MLPH: variants seen among roughly 807,000 people sequenced by gnomAD.
MLPH encodes melanophilin, also known as exophilin-3.
Under a neutral mutation model 72.1 loss-of-function variants are expected in MLPH, and 51 were observed. That is an observed-to-expected ratio of 0.71 (90% CI 0.56 to 0.89). MLPH has a LOEUF of 0.89. Ranked by LOEUF, MLPH falls within the 40% of genes least tolerant of loss-of-function variation. The pLI, the probability that MLPH is intolerant of heterozygous loss-of-function variation, is 0.00. For missense variants in MLPH, 743 were observed against 759.9 expected, an observed-to-expected ratio of 0.98 and a Z score of 0.26; for synonymous variants, 301 against 310.1, an observed-to-expected ratio of 0.97 and a Z score of 0.31.
chr2:237,503,497 T>C (rs1224237768), intron 2 of MLPH, among the ~76,000 whole-genome samples: 2 of 152,164 alleles, frequency 1.3e-5, no homozygotes, highest in African/African-American at 4.8e-5. Context: ...TCCCCGGTGC[T>C]GCTCCTCAGC....
intron 14 of MLPH, among the ~76,000 whole-genome samples, chr2:237,551,581 G>A (rs531427363): frequency 2.0e-5 from 3 of 152,344 alleles, no homozygotes; most frequent in Admixed American, 2.0e-4. Flanking sequence ...CAACTAGGAT[G>A]TGAGGCCAGA....
At chr2:237,529,304 A>G (rs2106348381) in intron 8 of MLPH, among the ~76,000 whole-genome samples, 1 of 152,284 alleles carries the variant, frequency 6.6e-6, no homozygotes, top group Middle Eastern at 3.4e-3. Context: ...CGGCCTCCCA[A>G]AGTGTTGGGA....
intron 12 of MLPH, chr2:237,545,777 A>C (rs1425928754): frequency 1.8e-6 from 1 of 570,956 alleles, no homozygotes; most frequent in Non-Finnish European, 2.5e-6. Context: ...CGGAAAATAC[A>C]GGATGCCCAG....
At position 237,518,556 on chromosome 2, in the gene MLPH, T is replaced by C. The variant is rs2080103453; in HGVS notation, c.463T>C (p.Ser155Pro). 6.2e-7 allele frequency: 1 copy of C among 1,613,406 alleles called. No homozygotes were observed. The highest frequency in any genetic ancestry group is 1.1e-5 in the South Asian group (1 of 90,958). The change falls in exon 5 of 16, where the codon TCT becomes CCT. Residue 155 changes from serine to proline, a missense_variant. Transcript: ENST00000264605. ...TATTGCAGCTGGGCCTGAACTGATA[T>C]CTGAAGAGAGAAGTGGAGACAGCGA... is the stretch of plus-strand genomic sequence containing the variant. The part of the protein sequence containing the change: ...LQGGAGPELI[S>P]EERSGDSDQT...
intron 8 of MLPH, among the ~76,000 whole-genome samples, chr2:237,532,601 G>A (rs1006686328): frequency 3.9e-5 from 6 of 152,214 alleles, no homozygotes; most frequent in South Asian, 2.1e-4. Flanking sequence ...TGTCTGTATT[G>A]CATTTGTAAA....
At chr2:237,509,467 G>T (rs2079844727) in intron 2 of MLPH, among the ~76,000 whole-genome samples, 1 of 152,222 alleles carries the variant, frequency 6.6e-6, no homozygotes, top group African/African-American at 2.4e-5. Flanking sequence ...TTGGTGCAGA[G>T]CTGGCAAGGG....
intron 2 of MLPH, among the ~76,000 whole-genome samples, chr2:237,506,517 G>A (rs2079774889): frequency 6.6e-6 from 1 of 152,210 alleles, no homozygotes; most frequent in African/African-American, 2.4e-5. Context: ...ACAACTCTAA[G>A]GGGGTTCATG....
chr2:237,550,208 C>A (rs1032785746), intron 14 of MLPH, among the ~76,000 whole-genome samples: 1 of 152,158 alleles, frequency 6.6e-6, no homozygotes, highest in African/African-American at 2.4e-5. Context: ...AAGTATGAAG[C>A]CTCTCCCCCG....
chr2:237,534,613 A>AT lies in MLPH; in HGVS notation c.1070_1071insT (p.Leu358ProfsTer41), dbSNP rs748484503. On this transcript the variant is annotated frameshift_variant, in exon 9 of 16. Transcript: ENST00000264605. LOFTEE classifies it high-confidence loss of function. ...TCAGCTGTGGAATGCCTGCTGACCT[A>AT]CCTGGAGAACACAGTTGTGCCTCCC... 10 of 1,613,870 alleles carry AT rather than the reference A, an allele frequency of 6.2e-6. No homozygotes were observed. In the East Asian group the frequency reaches 6.7e-5, roughly 11 times the overall value.
At chr2:237,515,347 A>G (rs910458526) in intron 4 of MLPH, among the ~76,000 whole-genome samples, 1 of 152,122 alleles carries the variant, frequency 6.6e-6, no homozygotes, top group African/African-American at 2.4e-5. Context: ...TCCTGAGGGT[A>G]GTGCTGTGGA....
intron 1 of MLPH, among the ~76,000 whole-genome samples, chr2:237,493,186 G>A (rs529181137): frequency 7.0e-4 from 106 of 152,324 alleles, no homozygotes; most frequent in African/African-American, 2.3e-3. Flanking sequence ...GTAGGAAGTA[G>A]ATCCCTTTTA....
intron 2 of MLPH, among the ~76,000 whole-genome samples, chr2:237,503,582 T>C (rs2079699408): frequency 6.6e-6 from 1 of 152,164 alleles, no homozygotes. Flanking sequence ...ACGCTTTCAG[T>C]CATTTGGCCC....
In MLPH at chr2:237,510,701, C is replaced by T; in HGVS notation, c.238C>T (p.Gln80Ter). The T allele has an allele frequency of 1.2e-6, 2 of 1,613,762 alleles. No homozygotes were observed. The highest frequency in any genetic ancestry group is 1.7e-6 in the Non-Finnish European group (2 of 1,180,052). The change falls in exon 3 of 16, where the codon CAG (glutamine) becomes TAG (stop). Residue 80 changes from glutamine to a stop codon, truncating the protein, a stop_gained. Transcript: ENST00000264605. LOFTEE classifies it high-confidence loss of function. The surrounding 1 kb of genome is among the most constrained non-coding windows in gnomAD (Gnocchi z 4.4). The stretch of plus-strand genomic sequence containing the variant: ...CCAGCTGCTTGTGAATAGCAAAAGG[C>T]AGTGCCTGGAATGTGGCCTCTTCAC... ...PYQLLVNSKRQCLECGLFTCK... is the reference protein window; with the variant it reads ...PYQLLVNSKR
chr2:237,508,298 G>A (rs2079818786), intron 2 of MLPH, among the ~76,000 whole-genome samples: 1 of 152,062 alleles, frequency 6.6e-6, no homozygotes, highest in East Asian at 1.9e-4. Flanking sequence ...TTTTAGTAGA[G>A]ACGGGGTTTC....
At chr2:237,530,325 G>A (rs566959160) in intron 8 of MLPH, among the ~76,000 whole-genome samples, 7 of 152,342 alleles carry the variant, frequency 4.6e-5, no homozygotes, top group African/African-American at 1.4e-4. Context: ...TAGGTGAGGG[G>A]CTCCTCCGAC....
chr2:237,538,555 T>C (rs1236184591), intron 9 of MLPH, among the ~76,000 whole-genome samples: 1 of 152,190 alleles, frequency 6.6e-6, no homozygotes, highest in African/African-American at 2.4e-5. Context: ...GTCCGACGTG[T>C]CACTGTCAGG....
At chr2:237,519,603 C>A (rs1270295721) in intron 5 of MLPH, among the ~76,000 whole-genome samples, 2 of 152,178 alleles carry the variant, frequency 1.3e-5, no homozygotes, top group African/African-American at 4.8e-5. Flanking sequence ...TGCCTGCCCC[C>A]TAGGCGGGGT....
intron 4 of MLPH, chr2:237,518,134 GGAT>G (rs2080092010): frequency 2.9e-6 from 1 of 341,846 alleles, no homozygotes; most frequent in Non-Finnish European, 5.7e-6. Flanking sequence ...AGGGATGGAT[GGAT>G]GGATGGGTGG....
intron 2 of MLPH, among the ~76,000 whole-genome samples, chr2:237,494,056 TC>T (rs987965359): frequency 2.6e-5 from 4 of 152,072 alleles, no homozygotes; most frequent in African/African-American, 9.6e-5. Context: ...CGCATCTTCC[TC>T]CCCCCTCTAT....
Sources: allele counts gnomAD v4.1 joint callset (sites outside exome capture counted in the v4.1 genomes callset), GRCh38; gene constraint gnomAD v4.1.1; non-coding constraint Gnocchi (gnomAD v3.1); transcripts MANE v1.5; gene names NCBI Gene and HGNC (gene_info 2026-07-23, HGNC 2026-07-21).